The following PRKG1 variants were observed in gnomAD, a reference collection of about 807,000 sequenced individuals.
PRKG1 encodes cGMP-dependent protein kinase 1.
A neutral mutation model predicts 88.1 loss-of-function variants in PRKG1; 35 were observed. The observed-to-expected ratio is 0.40, with a 90% confidence interval of 0.30 to 0.53. The LOEUF (loss-of-function observed/expected upper bound fraction) is 0.53, where lower values mean the gene tolerates loss of function less well. Among genes scored for constraint, PRKG1 ranks in the 20% least tolerant of loss-of-function variants. The pLI, the probability that PRKG1 is intolerant of heterozygous loss-of-function variation, is 0.59. For missense variants in PRKG1, 540 were observed against 839.8 expected (o/e 0.64, Z 4.41); for synonymous variants, 303 against 292.5 (o/e 1.04, Z -0.37).
chr10:51,616,420 G>A (rs550823410), intron 3 of PRKG1, among the ~76,000 whole-genome samples: 10 of 152,316 alleles, frequency 6.6e-5, no homozygotes, highest in Admixed American at 1.3e-4. Context: ...TGGAGCAGGA[G>A]TGAACAGTGC....
chr10:51,081,109 A>G (rs767871936), intron 1 of PRKG1, among the ~76,000 whole-genome samples: 13 of 152,242 alleles, frequency 8.5e-5, no homozygotes, highest in African/African-American at 1.2e-4. Context: ...TATAAAATTC[A>G]TATAAGCATT....
intron 3 of PRKG1, among the ~76,000 whole-genome samples, chr10:51,515,470 A>C (rs1841551431): frequency 6.6e-6 from 1 of 152,212 alleles, no homozygotes; most frequent in East Asian, 1.9e-4. Context: ...AGAATGAGAC[A>C]CGTGAAATCT....
intron 1 of PRKG1, among the ~76,000 whole-genome samples, chr10:51,129,461 A>G (rs1564611813): frequency 6.6e-6 from 1 of 151,102 alleles, no homozygotes; most frequent in African/African-American, 2.5e-5. Flanking sequence ...ATAAATAAAC[A>G]AAGAAAAAAA....
chr10:52,128,266 C>T (rs1237262781), intron 7 of PRKG1: 1 of 985,296 alleles, frequency 1.0e-6, no homozygotes, highest in African/African-American at 1.7e-5. Context: ...GGACAGCAGT[C>T]ATGTTGCTCC....
chr10:51,512,309 G>A (rs1426446509), intron 3 of PRKG1, among the ~76,000 whole-genome samples: 6 of 146,596 alleles, frequency 4.1e-5, no homozygotes, highest in Admixed American at 3.5e-4. Context: ...TCGTCATTTA[G>A]CATTAGATAT....
intron 9 of PRKG1, among the ~76,000 whole-genome samples, chr10:52,225,897 A>C (rs11001263): frequency 0.1 from 15,307 of 152,028 alleles, 1,183 homozygotes; most frequent in African/African-American, 0.21. Context: ...TGGCCTTATA[A>C]TGTAGTTTGA....
At chr10:51,572,877 A>G (rs1837792662) in intron 3 of PRKG1, among the ~76,000 whole-genome samples, 1 of 151,800 alleles carries the variant, frequency 6.6e-6, no homozygotes, top group Admixed American at 6.6e-5. Context: ...AATTGAGGGG[A>G]GTAAGAATTA....
intron 3 of PRKG1, among the ~76,000 whole-genome samples, chr10:51,591,418 A>C (rs1838310320): frequency 1.3e-5 from 2 of 152,252 alleles, no homozygotes; most frequent in African/African-American, 4.8e-5. Flanking sequence ...AAATCATTTT[A>C]AATGGCACAT....
chr10:51,084,007 A>G (rs1276646238), intron 1 of PRKG1, among the ~76,000 whole-genome samples: 2 of 152,214 alleles, frequency 1.3e-5, no homozygotes, highest in African/African-American at 2.4e-5. Context: ...GATAAAAATA[A>G]TCTTAGAATC....
Position 52,120,378 on chromosome 10 carries a change from A to G in PRKG1, c.936-13462A>G, listed in dbSNP as rs569804246. 1.2e-4 allele frequency among the ~76,000 whole-genome samples: 18 copies of G among 152,236 alleles called. No individual in the cohort carries two copies. In the South Asian group the frequency reaches 3.7e-3, roughly 32 times the overall value. On this transcript the variant is annotated intron_variant, in intron 7 of 17. Transcript: ENST00000373980. ...CCCAATAGCCCCCAAAGTTTTAACT[A>G]GTTCAGCGTCAACTCAAAAGTCCGA...
intron 4 of PRKG1, among the ~76,000 whole-genome samples, chr10:51,885,659 A>G (rs1841548835): frequency 6.6e-6 from 1 of 152,008 alleles, no homozygotes; most frequent in Non-Finnish European, 1.5e-5. Context: ...GCTGTTTCAC[A>G]CCTCCGTGTC....
intron 3 of PRKG1, among the ~76,000 whole-genome samples, chr10:51,718,813 T>G (rs1453511271): frequency 1.6e-4 from 22 of 137,072 alleles, no homozygotes; most frequent in Admixed American, 3.7e-4. Context: ...GAGTGGGGAG[T>G]GGAGTAAGGA....
intron 5 of PRKG1, among the ~76,000 whole-genome samples, chr10:52,033,532 TC>T (rs1368296482): frequency 6.6e-6 from 1 of 152,214 alleles, no homozygotes; most frequent in Non-Finnish European, 1.5e-5. Flanking sequence ...ATTTAGCTAT[TC>T]CCAGCCTTGG....
chr10:51,510,148 A>C (rs761106459), intron 3 of PRKG1, among the ~76,000 whole-genome samples: 11 of 152,136 alleles, frequency 7.2e-5, no homozygotes, highest in Non-Finnish European at 1.3e-4. Flanking sequence ...GAGGAAGAAA[A>C]ATTGACCTTT....
chr10:51,003,051 T>C (rs903039383), intron 1 of PRKG1, among the ~76,000 whole-genome samples: 2 of 152,152 alleles, frequency 1.3e-5, no homozygotes, highest in African/African-American at 4.8e-5. Context: ...TCTGGGACAG[T>C]AGTCAATATG....
intron 3 of PRKG1, among the ~76,000 whole-genome samples, chr10:51,502,442 G>C (rs542998859): frequency 6.6e-6 from 1 of 152,268 alleles, no homozygotes; most frequent in South Asian, 2.1e-4. Flanking sequence ...TCATTAGAGA[G>C]CTGTATCTTG....
At chr10:51,714,861 A>G (rs1841848363) in intron 3 of PRKG1, among the ~76,000 whole-genome samples, 1 of 152,260 alleles carries the variant, frequency 6.6e-6, no homozygotes, top group Non-Finnish European at 1.5e-5. Context: ...TGTCATAAAA[A>G]TGTATCCTTT....
At chr10:51,868,511 T>A (rs1453437703) in intron 4 of PRKG1, among the ~76,000 whole-genome samples, 1 of 152,098 alleles carries the variant, frequency 6.6e-6, no homozygotes, top group East Asian at 1.9e-4. Context: ...TTTTTTTTCA[T>A]CTGTAGGATA....
At chr10:51,006,509 T>C (rs1192303063) in intron 1 of PRKG1, among the ~76,000 whole-genome samples, 1 of 152,272 alleles carries the variant, frequency 6.6e-6, no homozygotes, top group African/African-American at 2.4e-5. Context: ...GTGACAGGAA[T>C]GGGCCCATGT....
Sources: allele counts gnomAD v4.1 joint callset (sites outside exome capture counted in the v4.1 genomes callset), GRCh38; gene constraint gnomAD v4.1.1; transcripts MANE v1.5; gene names NCBI Gene and HGNC (gene_info 2026-07-23, HGNC 2026-07-21).